The following KIF21A variants were observed in gnomAD, a reference collection of about 807,000 sequenced individuals.
KIF21A encodes the protein kinesin family member 21A, also known as kinesin-like protein KIF21A.
A neutral mutation model predicts 202.9 loss-of-function variants in KIF21A; 114 were observed. The ratio of observed to expected loss-of-function variants is 0.56; its 90% CI spans 0.48 to 0.66. The LOEUF is 0.66. KIF21A is among the 30% of genes least tolerant of loss of function. The pLI, the probability that KIF21A is intolerant of heterozygous loss-of-function variation, is 0.00. For missense variants in KIF21A, 1,677 were observed against 1,994.9 expected (o/e 0.84, Z 3.04); for synonymous variants, 667 against 670.8 (o/e 0.99, Z 0.09).
intron 29 of KIF21A, 109 bp downstream of exon 29, chr12:39,317,964 C>T (rs1405533105): frequency 8.7e-6 from 10 of 1,146,168 alleles, no homozygotes; most frequent in South Asian, 2.5e-5. Context: ...AGAGTTCACA[C>T]GTCAGGCTCC....
chr12:39,326,172 T>C (rs1191674920), intron 25 of KIF21A, 92 bp downstream of exon 25: 5 of 1,016,360 alleles, frequency 4.9e-6, no homozygotes, highest in Non-Finnish European at 7.7e-6. Context: ...GATTGAAAAT[T>C]ATTTCTGTTT....
chr12:39,356,922 T>A, intron 9 of KIF21A, 27 bp from the exon 10 acceptor site: 1 of 1,110,594 alleles, frequency 9.0e-7, no homozygotes, highest in Non-Finnish European at 1.4e-6. Flanking sequence ...GAAATAAAAA[T>A]TTTCCTTTAA....
intron 1 of KIF21A, among the ~76,000 whole-genome samples, chr12:39,397,665 T>C (rs1215334773): frequency 1.3e-5 from 2 of 152,248 alleles, no homozygotes; most frequent in Non-Finnish European, 2.9e-5. Context: ...TTCAGGTTCC[T>C]GAGCCTCACC....
intron 1 of KIF21A, among the ~76,000 whole-genome samples, chr12:39,418,389 C>G (rs1953960435): frequency 6.6e-6 from 1 of 152,132 alleles, no homozygotes. Flanking sequence ...AAACATTGTT[C>G]AATCCCCTCC....
intron 1 of KIF21A, among the ~76,000 whole-genome samples, chr12:39,420,129 G>A (rs576365795): frequency 7.3e-5 from 11 of 150,322 alleles, no homozygotes; most frequent in African/African-American, 2.2e-4. Flanking sequence ...CAAGCAAGCT[G>A]CACTTTTGCT....
chr12:39,408,945 G>A (rs1952841361), intron 1 of KIF21A, among the ~76,000 whole-genome samples: 1 of 151,588 alleles, frequency 6.6e-6, no homozygotes, highest in East Asian at 2.0e-4. Context: ...TCAACTTATT[G>A]AGTAGCTGGG....
At chr12:39,352,632 T>A (rs1425221656) in intron 10 of KIF21A, among the ~76,000 whole-genome samples, 1 of 152,158 alleles carries the variant, frequency 6.6e-6, no homozygotes, top group African/African-American at 2.4e-5. Context: ...TCCTCATTCA[T>A]CACACAATAG....
intron 1 of KIF21A, among the ~76,000 whole-genome samples, chr12:39,374,687 T>C (rs1362755106): frequency 6.6e-6 from 1 of 152,146 alleles, no homozygotes; most frequent in Non-Finnish European, 1.5e-5. Flanking sequence ...TAATGCAAGA[T>C]ATATGATAAT....
rs1337872842 is a variant in KIF21A at position 39,330,719 on chromosome 12, A to T, written c.3319+27T>A. The T allele has an allele frequency of 5.0e-6, 8 of 1,611,678 alleles. 1 individual carries two copies. In the Middle Eastern group the frequency reaches 5.0e-4, roughly 100 times the overall value. On this transcript the variant is annotated intron_variant, in intron 23 of 37. Coordinates refer to ENST00000361418, the MANE Select transcript of KIF21A (RefSeq NM_001173464.2). ...AAAAGCAAAGCTACCATGCAAATTC[A>T]TTCAACTAAAATTGAGAGCAAATTA...
At chr12:39,335,010 G>A (rs1311907991) in intron 17 of KIF21A, among the ~76,000 whole-genome samples, 9 of 152,114 alleles carry the variant, frequency 5.9e-5, no homozygotes, top group Middle Eastern at 3.4e-3. Flanking sequence ...GAACCCAAAC[G>A]TCTATCAACT....
Position 39,369,888 on chromosome 12 carries a change from T to G in KIF21A, c.291A>C (p.Thr97=). The change falls in exon 3 of 38, where the codon ACA becomes ACC. Residue 97 remains threonine (T), a synonymous_variant. Transcript: ENST00000361418. The part of the protein sequence containing the change: ...YGQTGAGKTY[T]MGTGFDVNIV... ...TGTTAACATCAAATCCTGTTCCCAT[T>G]GTGTATGTTTTACCAGCTCCAGTCT... The G allele has an allele frequency of 6.2e-7, 1 of 1,613,560 alleles. No individual in the cohort carries two copies. Among genetic ancestry groups the G allele is most frequent in the Non-Finnish European group, 8.5e-7 (1 of 1,179,676 alleles).
At chr12:39,375,890 G>T (rs11171901) in intron 1 of KIF21A, among the ~76,000 whole-genome samples, 45,140 of 151,936 alleles carry the variant, frequency 0.3, 8,450 homozygotes, top group African/African-American at 0.53. Flanking sequence ...TATTGCCATA[G>T]CCACATGATA....
In KIF21A at chr12:39,357,236, CT is replaced by C. The variant is rs776460615; in HGVS notation, c.1405+11del. On this transcript the variant is annotated intron_variant, in intron 9 of 37. Coordinates refer to ENST00000361418, the MANE Select transcript of KIF21A (RefSeq NM_001173464.2). ...AAGTTAATCCCTCACTTATCCCACC[CT>C]ACCCACATACCTGCTCTGGCAAGAA... The C allele has an allele frequency of 3.1e-6, 5 of 1,613,500 alleles. No homozygotes were observed. In the East Asian group the frequency reaches 1.1e-4, roughly 36 times the overall value.
chr12:39,396,724 A>G (rs140623137), intron 1 of KIF21A, among the ~76,000 whole-genome samples: 135 of 152,336 alleles, frequency 8.9e-4, no homozygotes, highest in African/African-American at 3.1e-3. Context: ...TGGGGAAGAC[A>G]TATGTAATGT....
At chr12:39,434,908 T>C (rs1212828528) in intron 1 of KIF21A, among the ~76,000 whole-genome samples, 2 of 152,224 alleles carry the variant, frequency 1.3e-5, no homozygotes, top group Admixed American at 1.3e-4. Context: ...TTAGTAGTTG[T>C]ATCAAATAAT....
intron 1 of KIF21A, among the ~76,000 whole-genome samples, chr12:39,381,748 A>G (rs1280511064): frequency 6.6e-6 from 1 of 152,208 alleles, no homozygotes; most frequent in Non-Finnish European, 1.5e-5. Context: ...CTGCCCCATA[A>G]GTGTGGTGGA....
intron 1 of KIF21A, among the ~76,000 whole-genome samples, chr12:39,390,603 G>T (rs1951277252): frequency 6.6e-6 from 1 of 151,882 alleles, no homozygotes; most frequent in Non-Finnish European, 1.5e-5. Context: ...ATTAAAAAGA[G>T]TATTCTATAT....
chr12:39,356,109 C>T (rs906797983), intron 10 of KIF21A, among the ~76,000 whole-genome samples: 17 of 152,242 alleles, frequency 1.1e-4, no homozygotes, highest in Non-Finnish European at 2.5e-4. Flanking sequence ...TCAGTCATCA[C>T]GGGAAACCGT....
At chr12:39,418,405 T>C (rs1034584638) in intron 1 of KIF21A, among the ~76,000 whole-genome samples, 10 of 152,176 alleles carry the variant, frequency 6.6e-5, no homozygotes, top group African/African-American at 2.4e-4. Context: ...CCTCCAAAAA[T>C]GCAAACACCT....
Sources: gnomAD v4.1 joint callset for allele counts (sites outside exome capture counted in the v4.1 genomes callset) on GRCh38, gnomAD v4.1.1 for gene constraint, MANE v1.5 for transcripts, NCBI Gene and HGNC (gene_info 2026-07-23, HGNC 2026-07-21) for gene names.